RPS6KA2: variants seen among roughly 807,000 people sequenced by gnomAD.
RPS6KA2 encodes the protein ribosomal protein S6 kinase A2.
In RPS6KA2, 42 loss-of-function variants were observed where a neutral mutation model predicts 91.8. The observed-to-expected ratio is 0.46, with a 90% confidence interval of 0.36 to 0.59. RPS6KA2 has a LOEUF of 0.59. RPS6KA2 is among the 20% of genes least tolerant of loss of function. The pLI is 0.00. For missense variants in RPS6KA2, 798 were observed against 978.5 expected, an observed-to-expected ratio of 0.82 and a Z score of 2.46; for synonymous variants, 414 against 393.6, an observed-to-expected ratio of 1.05 and a Z score of -0.61.
chr6:166,453,223 AC>A (rs1779974717), intron 12 of RPS6KA2, among the ~76,000 whole-genome samples: 1 of 146,844 alleles, frequency 6.8e-6, no homozygotes, highest in African/African-American at 2.5e-5. Flanking sequence ...ACACACACAC[AC>A]ACACACAAAA....
intron 1 of RPS6KA2, among the ~76,000 whole-genome samples, chr6:166,604,842 G>A (rs962522980): frequency 2.6e-5 from 4 of 152,194 alleles, no homozygotes; most frequent in African/African-American, 9.7e-5. Flanking sequence ...GGCATCCCTT[G>A]GGTGGTCACG....
In RPS6KA2 at chr6:166,737,174, C is replaced by T. The variant is rs1790692739; in HGVS notation, c.123+121026G>A. On this transcript the variant is annotated intron_variant, in intron 2 of 21. Transcript: ENST00000503859. This position sits in a 1 kb window ranked among gnomAD's most constrained non-coding sequence, Gnocchi z 4.3. ...TGGCTAAGAGACACAATTTTTAAGA[C>T]ATTCCTCATCAGTTGCCAAATATTG... 6.6e-6 allele frequency among the ~76,000 whole-genome samples: 1 copy of T among 152,234 alleles called. No homozygotes were observed. The highest frequency in any genetic ancestry group is 2.4e-5 in the African/African-American group (1 of 41,462).
chr6:166,734,815 A>T (rs1043413298), intron 2 of RPS6KA2, among the ~76,000 whole-genome samples: 1 of 152,198 alleles, frequency 6.6e-6, no homozygotes, highest in East Asian at 1.9e-4. Context: ...GTACTTAAAT[A>T]TTTTATAAAT....
intron 2 of RPS6KA2, among the ~76,000 whole-genome samples, chr6:166,831,751 A>G (rs777335233): frequency 3.3e-5 from 5 of 151,018 alleles, no homozygotes; most frequent in African/African-American, 1.2e-4. Context: ...ACATACATAC[A>G]CACAATAACA....
intron 2 of RPS6KA2, among the ~76,000 whole-genome samples, chr6:166,685,431 C>G (rs1389826962): frequency 6.6e-6 from 1 of 152,224 alleles, no homozygotes; most frequent in African/African-American, 2.4e-5. Flanking sequence ...CTATCACTGT[C>G]CATCCCACTT....
intron 2 of RPS6KA2, among the ~76,000 whole-genome samples, chr6:166,756,077 T>A (rs534271446): frequency 1.6e-4 from 24 of 152,212 alleles, no homozygotes; most frequent in African/African-American, 5.8e-4. Flanking sequence ...GATCATGAGG[T>A]CAGGAGATGG....
At chr6:166,598,436 T>C (rs1785617627) in intron 1 of RPS6KA2, among the ~76,000 whole-genome samples, 1 of 152,218 alleles carries the variant, frequency 6.6e-6, no homozygotes, top group Non-Finnish European at 1.5e-5. Flanking sequence ...TAAGACTGGA[T>C]TCTCTACCAA....
At chr6:166,757,711 T>C in intron 2 of RPS6KA2, 1 of 400,964 alleles carries the variant, frequency 2.5e-6, no homozygotes, top group South Asian at 1.8e-5. Flanking sequence ...CCCGCACACC[T>C]CCTCTTCCCT....
At chr6:166,592,387 A>G (rs987859877) in intron 1 of RPS6KA2, among the ~76,000 whole-genome samples, 4 of 152,170 alleles carry the variant, frequency 2.6e-5, no homozygotes, top group African/African-American at 9.7e-5. Flanking sequence ...ACAGGGGACT[A>G]CTTATTCACC....
At chr6:166,728,674 G>A (rs1790420520) in intron 2 of RPS6KA2, among the ~76,000 whole-genome samples, 1 of 152,140 alleles carries the variant, frequency 6.6e-6, no homozygotes, top group East Asian at 1.9e-4. Flanking sequence ...TTTTACAATA[G>A]AATCTGTGGA....
At chr6:166,509,082 G>A (rs532271765) in intron 4 of RPS6KA2, among the ~76,000 whole-genome samples, 157 of 152,288 alleles carry the variant, frequency 1.0e-3, no homozygotes, top group African/African-American at 3.6e-3. Context: ...ACTAGAAAAC[G>A]TTTTATTTTC....
chr6:166,703,077 C>G (rs138885181), intron 2 of RPS6KA2, among the ~76,000 whole-genome samples: 398 of 152,292 alleles, frequency 2.6e-3, no homozygotes, highest in African/African-American at 9.2e-3. Flanking sequence ...ACAACCGAAA[C>G]GCATCCACCA....
intron 11 of RPS6KA2, among the ~76,000 whole-genome samples, chr6:166,461,546 G>A (rs1052859564): frequency 4.3e-5 from 6 of 140,172 alleles, no homozygotes; most frequent in Non-Finnish European, 7.8e-5. Context: ...GAGAGGGGGT[G>A]GGGGGAGAAA....
chr6:166,559,710 T>A (rs1347943007), intron 1 of RPS6KA2, among the ~76,000 whole-genome samples: 1 of 152,072 alleles, frequency 6.6e-6, no homozygotes, highest in Non-Finnish European at 1.5e-5. Context: ...GAAAGAAAAA[T>A]CAGCTTTTGT....
At chr6:166,592,648 G>C (rs1188817060) in intron 1 of RPS6KA2, among the ~76,000 whole-genome samples, 12 of 151,548 alleles carry the variant, frequency 7.9e-5, no homozygotes, top group Admixed American at 7.2e-4. Flanking sequence ...GAAAGGGACG[G>C]GGGAGGGCAG....
rs1445480953 is a variant in RPS6KA2, at chr6:166,737,844, T to C, written c.123+120356A>G. Among the ~76,000 whole-genome samples, 1 of 152,242 alleles carries C rather than the reference T, an allele frequency of 6.6e-6. No homozygotes were observed. Among genetic ancestry groups the C allele is most frequent in the African/African-American group, 2.4e-5 (1 of 41,466 alleles). On this transcript the variant is annotated intron_variant, in intron 2 of 21. Coordinates refer to the RPS6KA2 transcript ENST00000503859. This position sits in a 1 kb window ranked among gnomAD's most constrained non-coding sequence, Gnocchi z 4.3. Reference sequence around the variant, plus strand: ...TATTTTTAAATCTGTATTAGTTATTTTCTCATAAACAGAAATAACTTTGAT... The same window carrying C: ...TATTTTTAAATCTGTATTAGTTATTCTCTCATAAACAGAAATAACTTTGAT...
Position 166,459,442 on chromosome 6 carries a change from C to T in RPS6KA2, c.1075+7G>A. On this transcript the variant is annotated splice_region_variant and intron_variant, in intron 12 of 20. Transcript: ENST00000265678. This position sits in a 1 kb window ranked among gnomAD's most constrained non-coding sequence, Gnocchi z 4.9. ...CCACCGATAGAGGGAACCACTGTGG[C>T]ACACACCTGTGGGCGTCCGCGCTGT... 1 of 1,605,934 alleles carries T rather than the reference C, an allele frequency of 6.2e-7. No individual in the cohort carries two copies. The highest frequency in any genetic ancestry group is 1.3e-5 in the African/African-American group (1 of 74,918).
chr6:166,624,523 T>C (rs116102561), intron 1 of RPS6KA2, among the ~76,000 whole-genome samples: 274 of 152,294 alleles, frequency 1.8e-3, no homozygotes, highest in African/African-American at 6.1e-3. Context: ...AAGAGGAACT[T>C]ACTGGACTGG....
intron 1 of RPS6KA2, among the ~76,000 whole-genome samples, chr6:166,594,169 G>A (rs947310962): frequency 3.3e-5 from 5 of 152,066 alleles, no homozygotes; most frequent in South Asian, 2.1e-4. Context: ...TAATGGTGGC[G>A]GTAAAATTCT....
Sources: gnomAD v4.1 joint callset for allele counts (sites outside exome capture counted in the v4.1 genomes callset) on GRCh38, gnomAD v4.1.1 for gene constraint, Gnocchi (gnomAD v3.1) non-coding constraint, MANE v1.5 for transcripts, NCBI Gene and HGNC (gene_info 2026-07-23, HGNC 2026-07-21) for gene names.